Variants in GALNT14 observed in about 807,000 individuals in gnomAD.
The protein encoded by GALNT14 is polypeptide N-acetylgalactosaminyltransferase 14.
GALNT14 carries 60 observed loss-of-function variants against 77.5 expected under a neutral mutation model. The observed-to-expected ratio is 0.77, with a 90% confidence interval of 0.63 to 0.96. GALNT14 has a LOEUF of 0.96. Ranked by LOEUF, GALNT14 falls within the 40% of genes least tolerant of loss-of-function variation. GALNT14 has a pLI of 0.00. For synonymous variants in GALNT14, 280 were observed against 281.7 expected, an observed-to-expected ratio of 0.99 and a Z score of 0.06; for missense variants, 710 against 731.0, an observed-to-expected ratio of 0.97 and a Z score of 0.33.
chr2:30,933,351 C>T (rs2148256930), intron 9 of GALNT14, among the ~76,000 whole-genome samples: 1 of 152,138 alleles, frequency 6.6e-6, no homozygotes, highest in Middle Eastern at 3.4e-3. Flanking sequence ...ATGTGGCTGC[C>T]CATGTGAGGA....
chr2:31,077,926 A>C (rs1675901901), intron 1 of GALNT14, among the ~76,000 whole-genome samples: 2 of 152,352 alleles, frequency 1.3e-5, no homozygotes, highest in South Asian at 4.1e-4. Flanking sequence ...CCACAGAGGA[A>C]TGTATAGTAG....
chr2:30,983,667 T>C (rs771281018), intron 2 of GALNT14, among the ~76,000 whole-genome samples: 5 of 152,198 alleles, frequency 3.3e-5, no homozygotes, highest in Non-Finnish European at 5.9e-5. Context: ...GGCTGAAATG[T>C]AGTATTTTAG....
chr2:30,994,296 A>C (rs1669890273), intron 1 of GALNT14, among the ~76,000 whole-genome samples: 1 of 152,088 alleles, frequency 6.6e-6, no homozygotes, highest in Non-Finnish European at 1.5e-5. Context: ...CCCATTACTG[A>C]GTAGAATGCA....
Position 30,931,931 on chromosome 2 carries a change from G to A in GALNT14, c.1058+137C>T, listed in dbSNP as rs563645045. ...TATCCAAGCAGAGTCTGGGTAGTAC[G>A]AGGTGCAGCCCCGGCCAGTTCAAAT... is the stretch of plus-strand genomic sequence containing the variant. On this transcript the variant is annotated intron_variant, in intron 10 of 14. Transcript: ENST00000349752. The A allele has an allele frequency of 2.6e-5, 21 of 807,688 alleles. No individual in the cohort carries two copies. In the East Asian group the frequency reaches 5.0e-4, roughly 19 times the overall value. The allele number at this position is 807,688 out of a possible 1,614,324, so 50.0% of individuals were successfully genotyped here. A position where few individuals can be genotyped will look rare whatever the true frequency, so the allele number is the denominator to read the frequency against.
At chr2:30,976,451 G>A (rs1013355131) in intron 2 of GALNT14, among the ~76,000 whole-genome samples, 5 of 152,182 alleles carry the variant, frequency 3.3e-5, no homozygotes, top group African/African-American at 9.6e-5. Flanking sequence ...GGAACACTGA[G>A]GTTTGGTGGA....
intron 1 of GALNT14, among the ~76,000 whole-genome samples, chr2:31,033,453 T>C (rs1388917220): frequency 2.6e-5 from 4 of 152,212 alleles, no homozygotes; most frequent in African/African-American, 9.6e-5. Flanking sequence ...GTCTACCCTG[T>C]TGGCTACCTT....
At chr2:31,014,772 G>A (rs907502098) in intron 1 of GALNT14, among the ~76,000 whole-genome samples, 3 of 152,092 alleles carry the variant, frequency 2.0e-5, no homozygotes, top group Non-Finnish European at 4.4e-5. Context: ...AAGCACCCCT[G>A]CGTTTACCAT....
chr2:30,954,185 G>T (rs56393145), intron 6 of GALNT14, among the ~76,000 whole-genome samples: 30,726 of 152,064 alleles, frequency 0.2, 3,496 homozygotes, highest in East Asian at 0.4. Context: ...GGTCAGAGCT[G>T]GAGCAGTGGG....
chr2:30,922,145 T>C (rs1195814951), intron 13 of GALNT14, among the ~76,000 whole-genome samples: 1 of 152,164 alleles, frequency 6.6e-6, no homozygotes, highest in Non-Finnish European at 1.5e-5. Flanking sequence ...GGGTGCCTGA[T>C]AGATGCTCAT....
At chr2:31,054,540 G>A (rs186535845) in intron 1 of GALNT14, among the ~76,000 whole-genome samples, 74 of 152,248 alleles carry the variant, frequency 4.9e-4, no homozygotes, top group Admixed American at 3.3e-3. Flanking sequence ...CCAGCATAGC[G>A]CCTACCCCAT....
At chr2:30,967,663 C>T (rs186135921) in intron 2 of GALNT14, among the ~76,000 whole-genome samples, 3 of 152,344 alleles carry the variant, frequency 2.0e-5, no homozygotes, top group Non-Finnish European at 4.4e-5. Flanking sequence ...ATTCACCCCT[C>T]CTCTCATGCC....
rs752748053 is a variant in GALNT14 at position 31,125,253 on chromosome 2, C to T, written c.129+12705G>A. Reference sequence around the variant, plus strand: ...GCCACCTTGAAAAACAAGGACCAAACCTGAAAATGCCACAAGAAAGAAGAG... The same window carrying T: ...GCCACCTTGAAAAACAAGGACCAAATCTGAAAATGCCACAAGAAAGAAGAG... On this transcript the variant is annotated intron_variant, in intron 1 of 14. Coordinates refer to ENST00000349752, the MANE Select transcript of GALNT14 (RefSeq NM_024572.4). 12 of 1,549,332 alleles carry T rather than the reference C, an allele frequency of 7.7e-6. No homozygotes were observed. The East Asian group carries it at 2.4e-4, about 32-fold the overall frequency.
intron 2 of GALNT14, among the ~76,000 whole-genome samples, chr2:30,971,633 G>T (rs1378535064): frequency 6.6e-6 from 1 of 152,180 alleles, no homozygotes; most frequent in Non-Finnish European, 1.5e-5. Flanking sequence ...GGAGCATTCA[G>T]TGCCACTTAC....
chr2:31,050,782 T>G (rs1666328805), intron 1 of GALNT14, among the ~76,000 whole-genome samples: 1 of 151,824 alleles, frequency 6.6e-6, no homozygotes, highest in Non-Finnish European at 1.5e-5. Flanking sequence ...TTGTTTTTTT[T>G]TTTTTTTCAA....
chr2:31,037,194 C>A (rs1462396321), intron 1 of GALNT14, among the ~76,000 whole-genome samples: 1 of 152,118 alleles, frequency 6.6e-6, no homozygotes, highest in East Asian at 1.9e-4. Context: ...GTTCCTCAGA[C>A]TGGATAATCT....
intron 9 of GALNT14, among the ~76,000 whole-genome samples, chr2:30,939,872 G>A (rs1220710767): frequency 6.6e-6 from 1 of 151,956 alleles, no homozygotes; most frequent in African/African-American, 2.4e-5. Flanking sequence ...TGATCTTCAC[G>A]GGGACCCTCT....
At chr2:30,987,706 TCCCTCCCCC>T (rs1474114972) in intron 2 of GALNT14, among the ~76,000 whole-genome samples, 2,759 of 124,784 alleles carry the variant, frequency 0.022, 103 homozygotes, top group African/African-American at 0.08. Context: ...GCCTTCCTCC[TCCCTCCCCC>T]TCCTCCCCCT....
intron 3 of GALNT14, among the ~76,000 whole-genome samples, chr2:30,960,531 C>G (rs1355417447): frequency 6.6e-6 from 1 of 152,070 alleles, no homozygotes; most frequent in Non-Finnish European, 1.5e-5. Context: ...CTAATTAGAC[C>G]ATTTCGTGGT....
intron 9 of GALNT14, among the ~76,000 whole-genome samples, chr2:30,938,384 A>ACACACACACACACACACTCT (rs1174119035): frequency 2.1e-5 from 3 of 141,692 alleles, no homozygotes; most frequent in African/African-American, 7.9e-5. Flanking sequence ...ACACACACAC[A>ACACACACACACACACACTCT]CTCTCTCTCT....
Sources: gnomAD v4.1 joint callset for allele counts (sites outside exome capture counted in the v4.1 genomes callset) on GRCh38, gnomAD v4.1.1 for gene constraint, MANE v1.5 for transcripts, NCBI Gene and HGNC (gene_info 2026-07-23, HGNC 2026-07-21) for gene names.